THAP4: variants seen among roughly 807,000 people sequenced by gnomAD.
The protein encoded by THAP4 is peroxynitrite isomerase THAP4.
In THAP4, 18 loss-of-function variants were observed where a neutral mutation model predicts 48.1. The observed-to-expected ratio is 0.37, with a 90% CI of 0.26 to 0.56. THAP4 has a LOEUF of 0.56. Ranked by LOEUF, THAP4 falls within the 20% of genes least tolerant of loss-of-function variation. The pLI, the probability that THAP4 is intolerant of heterozygous loss-of-function variation, is 0.78. For synonymous variants in THAP4, 345 were observed against 324.9 expected (o/e 1.06, Z -0.66); for missense variants, 656 against 774.9 (o/e 0.85, Z 1.82).
rs753469472 is a variant in THAP4 at position 241,633,248 on chromosome 2, A to T, written c.909T>A (p.Pro303=). 6.2e-7 allele frequency: 1 copy of T among 1,608,088 alleles called. No individual in the cohort carries two copies. The highest frequency in any genetic ancestry group is 1.1e-5 in the South Asian group (1 of 90,810). ...PQKPSQSPSA[P]PADVTPKPAT... is the part of the protein sequence containing the mutation. ...CTGGCTTTGGGGTGACGTCGGCAGGAGGGGCAGAGGGGCTCTGGGAAGGCT... is the reference window on the plus strand; with the variant it reads ...CTGGCTTTGGGGTGACGTCGGCAGGTGGGGCAGAGGGGCTCTGGGAAGGCT... The change falls in exon 2 of 6, where the codon CCT becomes CCA. Residue 303 remains proline, a synonymous_variant. Coordinates refer to ENST00000407315, the MANE Select transcript of THAP4 (RefSeq NM_015963.6). The surrounding 1 kb of genome is among the most constrained non-coding windows in gnomAD (Gnocchi z 7.5).
chr2:241,601,682 A>G lies in THAP4; in HGVS notation c.1614+214T>C, dbSNP rs1249552918. 1 of 827,380 alleles carries G rather than the reference A, an allele frequency of 1.2e-6. No homozygotes were observed. The highest frequency in any genetic ancestry group is 1.8e-6 in the Non-Finnish European group (1 of 551,472). The allele number at this position is 827,380 out of a possible 1,614,324, so 51.3% of individuals were successfully genotyped here. On this transcript the variant is annotated intron_variant, in intron 5 of 5. Transcript: ENST00000407315. The surrounding 1 kb of genome is among the most constrained non-coding windows in gnomAD (Gnocchi z 4.0). ...GTTTGTGACAAACAACAAACCTCAA[A>G]AAAACCACACCACTGACCAGCCGAG...
Position 241,584,503 on chromosome 2 carries a change from G to A in THAP4, c.*103C>T. 1 of 1,300,420 alleles carries A rather than the reference G, an allele frequency of 7.7e-7. No individual in the cohort carries two copies. The allele number at this position is 1,300,420 out of a possible 1,614,324, so 80.6% of individuals were successfully genotyped here. On this transcript the variant is annotated 3_prime_UTR_variant, in exon 6 of 6. Transcript: ENST00000407315. ...GGACAACACTCTTGAGCCTGCAGAG[G>A]CTCACGGCCACACCCACTTCTGCCG...
Position 241,610,958 on chromosome 2 carries a change from G to C in THAP4, c.1241-4485C>G, listed in dbSNP as rs996576789. Among the ~76,000 whole-genome samples, 2 of 151,882 alleles carry C rather than the reference G, an allele frequency of 1.3e-5. No homozygotes were observed. Among genetic ancestry groups the C allele is most frequent in the African/African-American group, 4.8e-5 (2 of 41,344 alleles). ...ACCAGCTTCTGGGGGTCTCCGAGGG[G>C]GACTCTCAGGTAAGTAACAATATTA... On this transcript the variant is annotated intron_variant, in intron 2 of 5. Coordinates refer to ENST00000407315, the MANE Select transcript of THAP4 (RefSeq NM_015963.6). The surrounding 1 kb of genome is among the most constrained non-coding windows in gnomAD (Gnocchi z 4.2).
rs1175852721 is a variant in THAP4, at chr2:241,585,912, C to CAAAAAAAAAAAA, written c.1615-1199_1615-1188dup. The stretch of plus-strand genomic sequence containing the variant: ...TGGGTGACAGAGCAAGACTCCTTCT[C>CAAAAAAAAAAAA]AAAAAAAAAAAAAAAAAGAAAAAAA... On this transcript the variant is annotated intron_variant, in intron 5 of 5. Transcript: ENST00000407315. 1.9e-3 allele frequency among the ~76,000 whole-genome samples: 54 copies of CAAAAAAAAAAAA among 28,072 alleles called. 2 individuals carry two copies. Among genetic ancestry groups the CAAAAAAAAAAAA allele is most frequent in the Non-Finnish European group, 3.3e-3 (45 of 13,698 alleles). The allele number at this position is 28,072 out of a possible 152,430, so 18.4% of individuals were successfully genotyped here. A position where few individuals can be genotyped will look rare whatever the true frequency, so the allele number is the denominator to read the frequency against.
At chr2:241,634,618 G>A (rs779971483) in intron 1 of THAP4, among the ~76,000 whole-genome samples, 92 of 152,352 alleles carry the variant, frequency 6.0e-4, no homozygotes, top group Non-Finnish European at 9.8e-4. Flanking sequence ...CTGTGTTCCT[G>A]TTGCATGCCC....
intron 4 of THAP4, 86 bp downstream of exon 4, chr2:241,602,884 G>C: frequency 9.7e-7 from 1 of 1,031,326 alleles, no homozygotes; most frequent in Non-Finnish European, 1.5e-6. Context: ...CAGCAGGGTT[G>C]CACATGGGCA....
chr2:241,588,004 T>A (rs6437267), intron 5 of THAP4, among the ~76,000 whole-genome samples: 140,527 of 148,870 alleles, frequency 0.94, 66,171 homozygotes, highest in East Asian at 1. Context: ...AAGAAAAAAG[T>A]AAAAAGGAGA....
rs779916392 is a variant in THAP4, at chr2:241,633,815, T to C, written c.342A>G (p.Gly114=). 6.2e-7 allele frequency: 1 copy of C among 1,613,660 alleles called. No homozygotes were observed. Among genetic ancestry groups the C allele is most frequent in the Non-Finnish European group, 8.5e-7 (1 of 1,179,730 alleles). ...DASKATGGVR[G]HSSAATSRGA... is the part of the protein sequence containing the mutation. ...CTCTGCTGGTGGCGGCACTCGAGTGTCCCCTCACACCCCCTGTGGCCTTGC... is the reference window on the plus strand; with the variant it reads ...CTCTGCTGGTGGCGGCACTCGAGTGCCCCCTCACACCCCCTGTGGCCTTGC... The change falls in exon 2 of 6, where the codon GGA becomes GGG. Residue 114 remains glycine (G), a synonymous_variant. Transcript: ENST00000407315. The surrounding 1 kb of genome is among the most constrained non-coding windows in gnomAD (Gnocchi z 7.5).
rs748966225 is a variant in THAP4 at position 241,633,698 on chromosome 2, G to A, written c.459C>T (p.Ala153=). 5.0e-6 allele frequency: 8 copies of A among 1,611,632 alleles called. No homozygotes were observed. ...RLKQAALQGE[A]TPRAAQEAAS... The stretch of plus-strand genomic sequence containing the variant: ...CGGCCTCCTGGGCCGCCCTGGGTGT[G>A]GCTTCACCTTGCAGAGCAGCTTGCT... The change falls in exon 2 of 6, where the codon GCC becomes GCT. Residue 153 remains alanine, a synonymous_variant. Transcript: ENST00000407315. This position sits in a 1 kb window ranked among gnomAD's most constrained non-coding sequence, Gnocchi z 7.5.
intron 3 of THAP4, among the ~76,000 whole-genome samples, chr2:241,604,265 T>A (rs1420053809): frequency 1.3e-5 from 2 of 148,618 alleles, no homozygotes; most frequent in South Asian, 2.1e-4. Flanking sequence ...TTATTTATTT[T>A]TTGAGACAGA....
intron 2 of THAP4, among the ~76,000 whole-genome samples, chr2:241,608,577 C>G (rs575375606): frequency 6.6e-6 from 1 of 152,250 alleles, no homozygotes; most frequent in Admixed American, 6.5e-5. Flanking sequence ...GCTTCTGAAT[C>G]CAATGTGTGG....
chr2:241,598,956 A>G (rs2067081460), intron 5 of THAP4, among the ~76,000 whole-genome samples: 1 of 151,826 alleles, frequency 6.6e-6, no homozygotes, highest in South Asian at 2.1e-4. Context: ...TTTTACAACT[A>G]AAAAAAAGGC....
At chr2:241,591,629 G>A (rs898157134) in intron 5 of THAP4, among the ~76,000 whole-genome samples, 4 of 152,150 alleles carry the variant, frequency 2.6e-5, no homozygotes, top group Non-Finnish European at 5.9e-5. Context: ...GAACAGGGGG[G>A]CCGGGCTCTT....
intron 2 of THAP4, among the ~76,000 whole-genome samples, chr2:241,621,184 C>A (rs893778431): frequency 5.3e-5 from 8 of 152,058 alleles, no homozygotes; most frequent in Non-Finnish European, 2.9e-5. Context: ...CCCATCTCTA[C>A]TAAAAATACA....
At chr2:241,627,223 GT>G (rs758732935) in intron 2 of THAP4, among the ~76,000 whole-genome samples, 2 of 152,190 alleles carry the variant, frequency 1.3e-5, no homozygotes, top group Non-Finnish European at 2.9e-5. Context: ...AGGTTCACTT[GT>G]TTTGTACTTG....
At chr2:241,596,125 G>A (rs2067043315) in intron 5 of THAP4, among the ~76,000 whole-genome samples, 1 of 152,058 alleles carries the variant, frequency 6.6e-6, no homozygotes, top group African/African-American at 2.4e-5. Context: ...ACCTGGCTGG[G>A]GGTGGTCCAA....
At chr2:241,617,432 C>T (rs1354931812) in intron 2 of THAP4, 3 of 1,551,428 alleles carry the variant, frequency 1.9e-6, no homozygotes, top group Admixed American at 3.9e-5. Context: ...GTTTTCTAAA[C>T]TCCGGACACT....
At chr2:241,611,969 T>G (rs956124838) in intron 2 of THAP4, among the ~76,000 whole-genome samples, 2 of 152,078 alleles carry the variant, frequency 1.3e-5, no homozygotes, top group African/African-American at 4.8e-5. Context: ...GTGGCATGAA[T>G]ACGGTTCACT....
intron 2 of THAP4, among the ~76,000 whole-genome samples, chr2:241,622,774 A>G (rs1020242498): frequency 6.7e-6 from 1 of 150,230 alleles, no homozygotes; most frequent in Non-Finnish European, 1.5e-5. Flanking sequence ...TAATTTTCTT[A>G]TTTTTTTTTG....
Sources: gnomAD v4.1 joint callset for allele counts (sites outside exome capture counted in the v4.1 genomes callset) on GRCh38, gnomAD v4.1.1 for gene constraint, Gnocchi (gnomAD v3.1) non-coding constraint, MANE v1.5 for transcripts, NCBI Gene and HGNC (gene_info 2026-07-23, HGNC 2026-07-21) for gene names.